The following MORC1 variants were observed in gnomAD, a reference collection of about 807,000 sequenced individuals.
MORC1 encodes the protein MORC family CW-type zinc finger protein 1.
MORC1 carries 59 observed loss-of-function variants against 134.9 expected under a neutral mutation model. That is an observed-to-expected ratio of 0.44 (90% CI 0.35 to 0.54). The LOEUF is 0.54. MORC1 is among the 20% of genes least tolerant of loss of function. MORC1 has a pLI of 0.00. For synonymous variants in MORC1, 395 were observed against 391.7 expected (o/e 1.01, Z -0.10); for missense variants, 947 against 1,134.5 (o/e 0.83, Z 2.37).
At chr3:109,003,673 T>C (rs1467641388) in intron 20 of MORC1, among the ~76,000 whole-genome samples, 1 of 152,188 alleles carries the variant, frequency 6.6e-6, no homozygotes. Flanking sequence ...GTTGAATATC[T>C]GAATATATAA....
chr3:108,995,433 C>A (rs1428393872), intron 21 of MORC1, among the ~76,000 whole-genome samples: 1 of 152,118 alleles, frequency 6.6e-6, no homozygotes, highest in Non-Finnish European at 1.5e-5. Context: ...AAAAACAGGG[C>A]AGGACATGTG....
intron 20 of MORC1, 25 bp downstream of exon 20, chr3:109,004,792 T>A: frequency 4.4e-6 from 7 of 1,602,734 alleles, no homozygotes; most frequent in Non-Finnish European, 6.0e-6. Context: ...CTCCCTTAAA[T>A]ACAAATTTAA....
intron 8 of MORC1, among the ~76,000 whole-genome samples, chr3:109,084,487 T>G (rs4507260): frequency 0.88 from 133,994 of 152,110 alleles, 59,099 homozygotes; most frequent in East Asian, 0.93. Context: ...ATAAAATACT[T>G]ATGAAAGAAA....
At chr3:108,996,120 G>C (rs990488177) in intron 21 of MORC1, among the ~76,000 whole-genome samples, 2 of 152,098 alleles carry the variant, frequency 1.3e-5, no homozygotes, top group Admixed American at 6.5e-5. Flanking sequence ...TTTCCCATCT[G>C]TAAAATAGGG....
chr3:109,079,424 T>C lies in MORC1; in HGVS notation c.690-9667A>G, dbSNP rs147698184. Among the ~76,000 whole-genome samples the C allele has an allele frequency of 5.1e-3, 781 of 152,080 alleles. 18 individuals are homozygous for C. Among genetic ancestry groups the C allele is most frequent in the African/African-American group, 0.018 (749 of 41,524 alleles). ...TGAAACCTGTAGAATACAGCTATTA[T>C]GCAGAAAAGAATAAGAATCACATTT... On this transcript the variant is annotated intron_variant, in intron 8 of 27. Coordinates refer to ENST00000232603, the MANE Select transcript of MORC1 (RefSeq NM_014429.4).
intron 17 of MORC1, among the ~76,000 whole-genome samples, chr3:109,024,587 G>A (rs1039197205): frequency 8.5e-5 from 13 of 152,206 alleles, no homozygotes; most frequent in African/African-American, 3.1e-4. Context: ...ATGCAAGAGA[G>A]TTAAGAGATA....
chr3:109,049,255 T>C (rs947207502), intron 14 of MORC1: 2 of 382,710 alleles, frequency 5.2e-6, no homozygotes, highest in Non-Finnish European at 7.2e-6. Flanking sequence ...ATCCAGGTAC[T>C]ACAGCATTGT....
intron 17 of MORC1, among the ~76,000 whole-genome samples, chr3:109,023,276 G>A (rs1280654733): frequency 6.6e-6 from 1 of 152,188 alleles, no homozygotes; most frequent in Non-Finnish European, 1.5e-5. Flanking sequence ...GCACCATACA[G>A]AGTGAAAGAA....
chr3:108,973,404 T>A (rs2715742), intron 24 of MORC1, among the ~76,000 whole-genome samples: 4 of 151,348 alleles, frequency 2.6e-5, no homozygotes, highest in Non-Finnish European at 5.9e-5. Context: ...ATTTCAGTAG[T>A]GATAAAGGAA....
Position 109,007,092 on chromosome 3 carries a change from C to T in MORC1, c.1705-1G>A. On this transcript the variant is annotated splice_acceptor_variant, in intron 17 of 27. Transcript: ENST00000232603. LOFTEE classifies it high-confidence loss of function. The stretch of plus-strand genomic sequence containing the variant: ...TTTCGTCCACTGGTATAAATTGAGG[C>T]TTTATGGGAAAGCAAACCATTAAGG... The T allele has an allele frequency of 6.2e-7, 1 of 1,608,522 alleles. No individual in the cohort carries two copies. The highest frequency in any genetic ancestry group is 8.5e-7 in the Non-Finnish European group (1 of 1,177,402).
At chr3:109,110,704 T>C in intron 3 of MORC1, 45 bp downstream of exon 3, 1 of 1,468,518 alleles carries the variant, frequency 6.8e-7, no homozygotes, top group Non-Finnish European at 9.3e-7. Flanking sequence ...ATAACTACAG[T>C]CTTTCCATTA....
At chr3:109,049,131 C>T (rs553151740) in intron 14 of MORC1, 34 of 984,084 alleles carry the variant, frequency 3.5e-5, no homozygotes, top group East Asian at 1.1e-4. Context: ...CATCACTCGA[C>T]GTGTATCCTT....
chr3:108,968,520 C>A lies in MORC1; in HGVS notation c.2604+1149G>T, dbSNP rs554542738. On this transcript the variant is annotated intron_variant, in intron 26 of 27. Transcript: ENST00000232603. ...TCACCATTCTTTTTCACTTATAAAA[C>A]AAGAATATTCAGATGTCTTCCATTG... Among the ~76,000 whole-genome samples the A allele has an allele frequency of 1.3e-4, 20 of 152,276 alleles. No homozygotes were observed. In the East Asian group the frequency reaches 3.7e-3, roughly 28 times the overall value.
intron 17 of MORC1, among the ~76,000 whole-genome samples, chr3:109,023,895 C>T (rs192360820): frequency 6.6e-6 from 1 of 152,270 alleles, no homozygotes; most frequent in East Asian, 1.9e-4. Flanking sequence ...TAGAAAACAG[C>T]AGGTAATGTG....
At chr3:108,965,190 A>G (rs1361490904) in intron 26 of MORC1, among the ~76,000 whole-genome samples, 1 of 152,214 alleles carries the variant, frequency 6.6e-6, no homozygotes, top group Non-Finnish European at 1.5e-5. Flanking sequence ...GCCATGCTGA[A>G]TAACAGTCAG....
intron 21 of MORC1, among the ~76,000 whole-genome samples, chr3:108,990,918 C>G (rs963512942): frequency 7.2e-5 from 11 of 152,106 alleles, no homozygotes; most frequent in Non-Finnish European, 1.6e-4. Flanking sequence ...CTCTCTCTCT[C>G]TCTCTCTCTC....
chr3:108,969,869 G>C, intron 25 of MORC1, 147 bp from the exon 26 acceptor site: 1 of 627,622 alleles, frequency 1.6e-6, no homozygotes, highest in Non-Finnish European at 2.7e-6. Flanking sequence ...TTTAAGTCTG[G>C]GTCTAATTAA....
At chr3:109,005,521 C>T (rs1164541864) in intron 18 of MORC1, among the ~76,000 whole-genome samples, 1 of 152,152 alleles carries the variant, frequency 6.6e-6, no homozygotes, top group East Asian at 1.9e-4. Flanking sequence ...CAAAGTTGTG[C>T]TGGGTCAAGA....
At chr3:109,110,857 A>C in intron 2 of MORC1, 74 bp from the exon 3 acceptor site, 1 of 1,093,852 alleles carries the variant, frequency 9.1e-7, no homozygotes, top group Non-Finnish European at 1.3e-6. Flanking sequence ...CTATTGTCAG[A>C]TATCAAACAA....
Sources: gnomAD v4.1 joint callset for allele counts (sites outside exome capture counted in the v4.1 genomes callset) on GRCh38, gnomAD v4.1.1 for gene constraint, MANE v1.5 for transcripts, NCBI Gene and HGNC (gene_info 2026-07-23, HGNC 2026-07-21) for gene names.